Variants in LHFPL6 observed in about 807,000 individuals in gnomAD.
LHFPL6 encodes LHFPL tetraspan subfamily member 6 protein.
Under a neutral mutation model 20.6 loss-of-function variants are expected in LHFPL6, and 9 were observed. The observed-to-expected ratio is 0.44, with a 90% CI of 0.26 to 0.76. The LOEUF (loss-of-function observed/expected upper bound fraction) is 0.76. LHFPL6 is among the 30% of genes least tolerant of loss of function. The probability of loss-of-function intolerance (pLI) is 0.20; values close to 1 mark genes in which losing one functional copy is unlikely to be tolerated. For missense variants in LHFPL6, 218 were observed against 253.5 expected, an observed-to-expected ratio of 0.86 and a Z score of 0.95; for synonymous variants, 105 against 98.7, an observed-to-expected ratio of 1.06 and a Z score of -0.38.
chr13:39,440,791 C>T (rs753918233), intron 2 of LHFPL6, among the ~76,000 whole-genome samples: 50 of 152,110 alleles, frequency 3.3e-4, no homozygotes, highest in Non-Finnish European at 5.9e-4. Context: ...TCCCACGTGT[C>T]GTGGGAGGAA....
At chr13:39,422,881 C>G (rs1871534003) in intron 2 of LHFPL6, among the ~76,000 whole-genome samples, 1 of 152,116 alleles carries the variant, frequency 6.6e-6, no homozygotes, top group Non-Finnish European at 1.5e-5. Context: ...AACTTACAAT[C>G]ATGGCGGAAG....
intron 2 of LHFPL6, among the ~76,000 whole-genome samples, chr13:39,392,827 T>C (rs200270755): frequency 5.3e-5 from 8 of 151,750 alleles, no homozygotes; most frequent in Non-Finnish European, 1.2e-4. Flanking sequence ...TAAAGATATA[T>C]GTGTAAAATA....
At chr13:39,442,749 CCT>C (rs1872173870) in intron 2 of LHFPL6, among the ~76,000 whole-genome samples, 1 of 151,748 alleles carries the variant, frequency 6.6e-6, no homozygotes, top group Non-Finnish European at 1.5e-5. Context: ...CTTTGTTCTC[CCT>C]CTTTTGGACT....
At chr13:39,554,138 A>G (rs1003462473) in intron 2 of LHFPL6, among the ~76,000 whole-genome samples, 4 of 152,198 alleles carry the variant, frequency 2.6e-5, no homozygotes, top group Non-Finnish European at 5.9e-5. Context: ...TACTTGTCCT[A>G]TGACTCTGGA....
chr13:39,362,221 T>C lies in LHFPL6; in HGVS notation c.484+16207A>G, dbSNP rs550879958. Among the ~76,000 whole-genome samples the C allele has an allele frequency of 3.9e-5, 6 of 152,364 alleles. 1 individual carries two copies. Among genetic ancestry groups the C allele is most frequent in the South Asian group, 4.1e-4 (2 of 4,828 alleles). On this transcript the variant is annotated intron_variant, in intron 3 of 3. Coordinates refer to ENST00000379589, the MANE Select transcript of LHFPL6 (RefSeq NM_005780.3). ...GTGGGCTTCGCCCTTGCTGTTCTTA[T>C]GATAGTGAGTGAGTTGTCACGAGAT...
intron 2 of LHFPL6, among the ~76,000 whole-genome samples, chr13:39,510,259 T>C (rs1216805355): frequency 1.3e-5 from 2 of 152,260 alleles, no homozygotes; most frequent in African/African-American, 4.8e-5. Context: ...TGTCAAATTA[T>C]ATATTCTGAG....
At chr13:39,580,985 A>G (rs1872264729) in intron 2 of LHFPL6, among the ~76,000 whole-genome samples, 1 of 152,370 alleles carries the variant, frequency 6.6e-6, no homozygotes. Flanking sequence ...AAGTACTAAC[A>G]CTTCATTTTA....
At chr13:39,450,818 T>C (rs144703606) in intron 2 of LHFPL6, among the ~76,000 whole-genome samples, 20 of 152,300 alleles carry the variant, frequency 1.3e-4, no homozygotes, top group African/African-American at 4.6e-4. Flanking sequence ...TCCCATACAG[T>C]ATTTTACTTA....
intron 2 of LHFPL6, among the ~76,000 whole-genome samples, chr13:39,423,755 T>C (rs529989556): frequency 1.6e-4 from 24 of 152,194 alleles, no homozygotes; most frequent in African/African-American, 5.3e-4. Context: ...ACAGAGCAAG[T>C]GAGATAAAGT....
intron 2 of LHFPL6, among the ~76,000 whole-genome samples, chr13:39,582,310 G>A (rs538302003): frequency 3.3e-5 from 5 of 152,290 alleles, no homozygotes; most frequent in Admixed American, 6.5e-5. Context: ...ATGTCCCAGA[G>A]TCCAGGGTCT....
chr13:39,570,423 C>T (rs1466947490), intron 2 of LHFPL6, among the ~76,000 whole-genome samples: 1 of 152,076 alleles, frequency 6.6e-6, no homozygotes, highest in Non-Finnish European at 1.5e-5. Context: ...AGATTACAGG[C>T]ATAAGCCACC....
chr13:39,391,132 G>C (rs1461976744), intron 2 of LHFPL6, among the ~76,000 whole-genome samples: 1 of 152,198 alleles, frequency 6.6e-6, no homozygotes, highest in Non-Finnish European at 1.5e-5. Context: ...TCAAGTCCTA[G>C]ATACTCTGAT....
In LHFPL6 at chr13:39,479,118, C is replaced by CATCCATCT. The variant is rs557210931; in HGVS notation, c.386-100593_386-100592insAGATGGAT. Reference sequence around the variant, plus strand: ...GTTGATCTCTACCTATCTATCCATCCATCTATCTATCTATCTATCTATCTA... The same window carrying CATCCATCT: ...GTTGATCTCTACCTATCTATCCATCCATCCATCTATCTATCTATCTATCTATCTATCTA... On this transcript the variant is annotated intron_variant, in intron 2 of 3. Coordinates refer to ENST00000379589, the MANE Select transcript of LHFPL6 (RefSeq NM_005780.3). 1.6e-4 allele frequency among the ~76,000 whole-genome samples: 19 copies of CATCCATCT among 121,566 alleles called. No individual in the cohort carries two copies. In the South Asian group the frequency reaches 4.0e-3, roughly 26 times the overall value. 79.8% of individuals were successfully genotyped at this position (121,566 alleles called of 152,430 possible). A position where few individuals can be genotyped will look rare whatever the true frequency, so the allele number is the denominator to read the frequency against.
Sources: gnomAD v4.1 joint callset for allele counts (sites outside exome capture counted in the v4.1 genomes callset) on GRCh38, gnomAD v4.1.1 for gene constraint, MANE v1.5 for transcripts, NCBI Gene and HGNC (gene_info 2026-07-23, HGNC 2026-07-21) for gene names.